The following FNIP1 variants were observed in gnomAD, a reference collection of about 807,000 sequenced individuals.
FNIP1 encodes folliculin-interacting protein 1.
FNIP1 carries 40 observed loss-of-function variants against 124.5 expected under a neutral mutation model. That is an observed-to-expected ratio of 0.32 (90% confidence interval 0.25 to 0.42). The LOEUF (loss-of-function observed/expected upper bound fraction) is 0.42. Among genes scored for constraint, FNIP1 ranks in the 10% least tolerant of loss-of-function variants. The pLI is 1.00. For synonymous variants in FNIP1, 472 were observed against 470.6 expected (o/e 1.00, Z -0.04); for missense variants, 1,176 against 1,403.7 (o/e 0.84, Z 2.59).
At chr5:131,763,776 C>G (rs1771322551) in intron 1 of FNIP1, among the ~76,000 whole-genome samples, 1 of 152,146 alleles carries the variant, frequency 6.6e-6, no homozygotes, top group African/African-American at 2.4e-5. Flanking sequence ...TTTTTAAATT[C>G]CTCACTTCAG....
intron 6 of FNIP1, 84 bp downstream of exon 6, chr5:131,716,481 C>T (rs775686444): frequency 6.1e-6 from 5 of 825,182 alleles, no homozygotes; most frequent in Non-Finnish European, 9.5e-6. Flanking sequence ...CATGACAGAT[C>T]TGCATTATTA....
intron 14 of FNIP1, among the ~76,000 whole-genome samples, chr5:131,670,933 G>T (rs1237636296): frequency 6.6e-6 from 1 of 152,056 alleles, no homozygotes; most frequent in Admixed American, 6.6e-5. Context: ...ATGAAGTGAG[G>T]ATCAATCTTT....
At chr5:131,655,964 T>C (rs1343751983) in intron 15 of FNIP1, among the ~76,000 whole-genome samples, 2 of 151,830 alleles carry the variant, frequency 1.3e-5, no homozygotes, top group African/African-American at 4.8e-5. Context: ...TAATCTCTTT[T>C]GGGAGGCTAA....
intron 14 of FNIP1, 80 bp from the exon 15 acceptor site, chr5:131,670,711 T>C: frequency 2.0e-6 from 2 of 1,010,854 alleles, no homozygotes; most frequent in Non-Finnish European, 2.8e-6. Context: ...AAGTGAATTC[T>C]ACTTGTCCAT....
At chr5:131,725,063 T>G (rs28753153) in intron 3 of FNIP1, among the ~76,000 whole-genome samples, 13,940 of 152,192 alleles carry the variant, frequency 0.092, 1,466 homozygotes, top group African/African-American at 0.26. Flanking sequence ...GGTCTATGTA[T>G]CTGTTTTGGT....
intron 11 of FNIP1, among the ~76,000 whole-genome samples, chr5:131,695,084 C>G (rs565613285): frequency 2.9e-4 from 43 of 150,512 alleles, no homozygotes; most frequent in African/African-American, 1.0e-3. Flanking sequence ...CAGCCTGGGC[C>G]ACAGAGTGAG....
chr5:131,739,992 C>T (rs2149557336), intron 2 of FNIP1, among the ~76,000 whole-genome samples: 1 of 152,116 alleles, frequency 6.6e-6, no homozygotes, highest in African/African-American at 2.4e-5. Flanking sequence ...GACACTACCC[C>T]CACCCCAAAC....
Position 131,672,032 on chromosome 5 carries a change from T to G in FNIP1, c.2412A>C (p.Gln804His). The change falls in exon 14 of 18, where the codon CAA (glutamine) becomes CAC (histidine). Residue 804 changes from glutamine (Q) to histidine (H), a missense_variant. This residue lies in a region of FNIP1 where 1,109 missense variants were observed against 1,288.5 expected (regional missense o/e 0.86). Coordinates refer to ENST00000510461, the MANE Select transcript of FNIP1 (RefSeq NM_133372.3). ...HQETKQTTKD[Q>H]SGESDTQNMV... ...TGTTCTGTGTATCAGACTCTCCAGA[T>G]TGGTCCTTGGTTGTTTGTTTAGTTT... The G allele has an allele frequency of 6.2e-7, 1 of 1,614,170 alleles. No individual in the cohort carries two copies. Among genetic ancestry groups the G allele is most frequent in the South Asian group, 1.1e-5 (1 of 91,084 alleles).
At chr5:131,750,596 G>A (rs1206056906) in intron 1 of FNIP1, among the ~76,000 whole-genome samples, 1 of 151,322 alleles carries the variant, frequency 6.6e-6, no homozygotes, top group Non-Finnish European at 1.5e-5. Flanking sequence ...GTTGAGGGGA[G>A]GTATATTCTT....
chr5:131,699,309 C>T (rs762028262), intron 10 of FNIP1, among the ~76,000 whole-genome samples: 4 of 151,608 alleles, frequency 2.6e-5, no homozygotes, highest in Non-Finnish European at 4.4e-5. Context: ...TTATTTTTCC[C>T]AAACAGAACA....
intron 11 of FNIP1, among the ~76,000 whole-genome samples, chr5:131,685,059 G>A (rs780163684): frequency 6.6e-5 from 10 of 152,046 alleles, no homozygotes; most frequent in Middle Eastern, 3.2e-3. Context: ...TCGATAAAAC[G>A]TATTAATAAT....
chr5:131,758,564 T>C (rs1017251168), intron 1 of FNIP1, among the ~76,000 whole-genome samples: 2 of 152,200 alleles, frequency 1.3e-5, no homozygotes, highest in African/African-American at 4.8e-5. Flanking sequence ...ATTAAGCAAT[T>C]GTATTTAGCA....
At chr5:131,745,447 A>G (rs1490147758) in intron 1 of FNIP1, among the ~76,000 whole-genome samples, 1 of 152,090 alleles carries the variant, frequency 6.6e-6, no homozygotes, top group Non-Finnish European at 1.5e-5. Context: ...TTGAGCCTGG[A>G]AGGTCGGGGC....
chr5:131,690,727 G>C (rs1003733655), intron 11 of FNIP1, among the ~76,000 whole-genome samples: 2 of 152,264 alleles, frequency 1.3e-5, no homozygotes, highest in Admixed American at 6.5e-5. Context: ...GTTAACTTCA[G>C]ACAAAGCAGA....
rs74408792 is a variant in FNIP1, at chr5:131,714,009, C to T, written c.622+2556G>A. 8.9e-3 allele frequency among the ~76,000 whole-genome samples: 1,350 copies of T among 152,244 alleles called. 23 individuals are homozygous for T. Among genetic ancestry groups the T allele is most frequent in the African/African-American group, 0.031 (1,282 of 41,544 alleles). On this transcript the variant is annotated intron_variant, in intron 6 of 17. Transcript: ENST00000510461. The stretch of plus-strand genomic sequence containing the variant: ...TCCAAAAATTCCTCTGTGGTGACCT[C>T]GAGAATATATGTCAAAGATCTCCAA...
chr5:131,764,408 A>G (rs905205635), intron 1 of FNIP1, among the ~76,000 whole-genome samples: 5 of 151,346 alleles, frequency 3.3e-5, no homozygotes, highest in African/African-American at 7.3e-5. Context: ...CCTGGGCTCA[A>G]GTGACTCTCA....
At chr5:131,702,445 C>T (rs185001735) in intron 10 of FNIP1, among the ~76,000 whole-genome samples, 11 of 152,128 alleles carry the variant, frequency 7.2e-5, no homozygotes, top group Admixed American at 7.2e-4. Flanking sequence ...CAGCACAATC[C>T]CTACCAAGTA....
intron 1 of FNIP1, among the ~76,000 whole-genome samples, chr5:131,755,836 T>A (rs1319194971): frequency 6.6e-6 from 1 of 151,912 alleles, no homozygotes; most frequent in Non-Finnish European, 1.5e-5. Context: ...TAGTGAACCC[T>A]CGTCTCTACT....
chr5:131,720,240 A>G (rs1377179720), intron 3 of FNIP1, among the ~76,000 whole-genome samples: 2 of 152,244 alleles, frequency 1.3e-5, no homozygotes, highest in African/African-American at 4.8e-5. Flanking sequence ...CTAAGAATAC[A>G]CAATGGGGAC....
Sources: gnomAD v4.1 joint callset for allele counts (sites outside exome capture counted in the v4.1 genomes callset) on GRCh38, gnomAD v4.1.1 for gene constraint, gnomAD v4.1.1 regional missense constraint, MANE v1.5 for transcripts, NCBI Gene and HGNC (gene_info 2026-07-23, HGNC 2026-07-21) for gene names.